SKIL: variants seen among roughly 807,000 people sequenced by gnomAD.
SKIL encodes the protein SKI like proto-oncogene.
In SKIL, 20 loss-of-function variants were observed where a neutral mutation model predicts 69.6. The ratio of observed to expected loss-of-function variants is 0.29; its 90% confidence interval spans 0.20 to 0.42. SKIL has a LOEUF of 0.42. SKIL is among the 10% of genes least tolerant of loss of function. The pLI, the probability that SKIL is intolerant of heterozygous loss-of-function variation, is 1.00. For missense variants in SKIL, 745 were observed against 783.1 expected (o/e 0.95, Z 0.58); for synonymous variants, 310 against 279.9 (o/e 1.11, Z -1.08).
intron 4 of SKIL, among the ~76,000 whole-genome samples, 193 bp from the exon 5 acceptor site, chr3:170,390,030 C>T (rs1217643137): frequency 6.6e-6 from 1 of 152,104 alleles, no homozygotes; most frequent in African/African-American, 2.4e-5. Flanking sequence ...GTATTTAGGT[C>T]TTAAATTTCT....
chr3:170,391,201 C>A lies in SKIL; in HGVS notation c.1837C>A (p.Gln613Lys). Residue 613 changes from glutamine (Q) to lysine (K), a missense_variant, in exon 6 of 7, where the codon CAA becomes AAA. Transcript: ENST00000259119. ...LEKKLEQIMK[Q>K]KCTCDSNLEK... ...GAAAAAATTGGAGCAGATAATGAAGCAAAAATGTACCTGTGACTCAAATTT... is the reference window on the plus strand; with the variant it reads ...GAAAAAATTGGAGCAGATAATGAAGAAAAAATGTACCTGTGACTCAAATTT... The A allele has an allele frequency of 6.2e-7, 1 of 1,612,336 alleles. No homozygotes were observed. The highest frequency in any genetic ancestry group is 8.5e-7 in the Non-Finnish European group (1 of 1,178,942).
intron 2 of SKIL, among the ~76,000 whole-genome samples, chr3:170,362,317 A>T (rs543439557): frequency 6.3e-4 from 96 of 152,306 alleles, no homozygotes; most frequent in Non-Finnish European, 1.1e-3. Flanking sequence ...AGCCTGGCCA[A>T]CATGGTGAAA....
intron 2 of SKIL, among the ~76,000 whole-genome samples, chr3:170,367,581 C>A (rs923117733): frequency 6.6e-6 from 1 of 151,850 alleles, no homozygotes; most frequent in African/African-American, 2.4e-5. Flanking sequence ...ATTCTCCTGC[C>A]TCAGTGTCCC....
intron 4 of SKIL, among the ~76,000 whole-genome samples, chr3:170,389,288 G>C (rs935253667): frequency 7.3e-5 from 11 of 150,530 alleles, no homozygotes; most frequent in Non-Finnish European, 1.5e-4. Flanking sequence ...GGATATAGTT[G>C]TCCGTATGTT....
At chr3:170,386,928 T>C (rs1237280558) in intron 4 of SKIL, among the ~76,000 whole-genome samples, 2 of 152,228 alleles carry the variant, frequency 1.3e-5, no homozygotes, top group Non-Finnish European at 2.9e-5. Flanking sequence ...CCATAAAATT[T>C]ACCCTTTTAA....
intron 2 of SKIL, among the ~76,000 whole-genome samples, chr3:170,379,505 A>G (rs935644598): frequency 1.3e-5 from 2 of 151,670 alleles, no homozygotes; most frequent in Admixed American, 1.3e-4. Context: ...TCCTTTTCCC[A>G]CAAAAGCAAG....
chr3:170,387,789 C>T (rs1003418656), intron 4 of SKIL, among the ~76,000 whole-genome samples: 2 of 90,878 alleles, frequency 2.2e-5, no homozygotes, highest in Non-Finnish European at 5.1e-5. Context: ...AAAAAATTAG[C>T]CGGGCGTAGT....
rs1738020010 is a variant in SKIL, at chr3:170,393,323, C to A, written c.*906C>A. The A allele has an allele frequency of 6.6e-6, 1 of 151,932 alleles. No individual in the cohort carries two copies. The highest frequency in any genetic ancestry group is 2.4e-5 in the African/African-American group (1 of 41,374). 9.4% of individuals were successfully genotyped at this position (151,932 alleles called of 1,614,324 possible). ...AAAATTTATATAATGGACTTGTTTTCCTTTAAGTTGTAAAATGTTAAACAC... is the reference window on the plus strand; with the variant it reads ...AAAATTTATATAATGGACTTGTTTTACTTTAAGTTGTAAAATGTTAAACAC... On this transcript the variant is annotated 3_prime_UTR_variant, in exon 7 of 7. Transcript: ENST00000259119.
intron 4 of SKIL, among the ~76,000 whole-genome samples, chr3:170,389,475 G>A (rs1422057988): frequency 1.3e-5 from 2 of 151,938 alleles, no homozygotes; most frequent in Non-Finnish European, 2.9e-5. Context: ...CACCAAGCCT[G>A]GCAAATTTTT....
Position 170,360,128 on chromosome 3 carries a change from AG to A in SKIL, c.-202del, listed in dbSNP as rs1447676565. ...TTAGAGGCAAAACGAACAATTTTAT[AG>A]GATTTGTAGTGAAATTATACCAGAT... is the stretch of plus-strand genomic sequence containing the variant. On this transcript the variant is annotated 5_prime_UTR_variant, in exon 2 of 7. Coordinates refer to ENST00000259119, the MANE Select transcript of SKIL (RefSeq NM_005414.5). 1 of 470,216 alleles carries A rather than the reference AG, an allele frequency of 2.1e-6. No individual in the cohort carries two copies. Among genetic ancestry groups the A allele is most frequent in the Non-Finnish European group, 3.7e-6 (1 of 267,226 alleles). The allele number at this position is 470,216 out of a possible 1,614,324, so 29.1% of individuals were successfully genotyped here. A position where few individuals can be genotyped will look rare whatever the true frequency, so the allele number is the denominator to read the frequency against.
chr3:170,392,148 G>GA, intron 6 of SKIL, 111 bp from the exon 7 acceptor site: 1 of 815,300 alleles, frequency 1.2e-6, no homozygotes, highest in Non-Finnish European at 1.9e-6. Flanking sequence ...TAGTATACAT[G>GA]AAATAGTTCG....
chr3:170,364,993 A>G (rs1011582897), intron 2 of SKIL, among the ~76,000 whole-genome samples: 5 of 152,244 alleles, frequency 3.3e-5, no homozygotes, highest in Non-Finnish European at 5.9e-5. Flanking sequence ...ATTTAAAGGA[A>G]TTTAAGAAAA....
chr3:170,365,752 C>CTTTTTT lies in SKIL; in HGVS notation c.1098+4339_1098+4344dup, dbSNP rs59222162. ...GCTCATTTTAAAAAGTCAAACTAGG[C>CTTTTTT]TTTTTTTTTTTTTTTTTTTTTGAGA... On this transcript the variant is annotated intron_variant, in intron 2 of 6. Coordinates refer to ENST00000259119, the MANE Select transcript of SKIL (RefSeq NM_005414.5). 1.8e-3 allele frequency among the ~76,000 whole-genome samples: 194 copies of CTTTTTT among 106,408 alleles called. 6 individuals are homozygous for CTTTTTT. Among genetic ancestry groups the CTTTTTT allele is most frequent in the South Asian group, 6.8e-3 (22 of 3,226 alleles). The allele number at this position is 106,408 out of a possible 152,430, so 69.8% of individuals were successfully genotyped here. A position where few individuals can be genotyped will look rare whatever the true frequency, so the allele number is the denominator to read the frequency against.
At chr3:170,373,270 G>A (rs563257299) in intron 2 of SKIL, among the ~76,000 whole-genome samples, 2 of 152,156 alleles carry the variant, frequency 1.3e-5, no homozygotes, top group South Asian at 2.1e-4. Flanking sequence ...GGGTTCAAGC[G>A]ATTCTTCTGC....
chr3:170,379,359 G>T (rs561059585), intron 2 of SKIL, among the ~76,000 whole-genome samples: 1 of 151,888 alleles, frequency 6.6e-6, no homozygotes, highest in Non-Finnish European at 1.5e-5. Flanking sequence ...GTTCCTAATC[G>T]CATTCTCCCT....
In SKIL at chr3:170,394,579, A is replaced by T. The variant is rs182300409; in HGVS notation, c.*2162A>T. ...TTGAAATATGTTATTGGAAAATTTT[A>T]AGCAGTGCTTAAACACCATTAAATT... On this transcript the variant is annotated 3_prime_UTR_variant, in exon 7 of 7. Transcript: ENST00000259119. The T allele has an allele frequency of 5.8e-4, 89 of 152,290 alleles. No individual in the cohort carries two copies. The highest frequency in any genetic ancestry group is 2.0e-3 in the African/African-American group (84 of 41,564). The allele number at this position is 152,290 out of a possible 1,614,324, so 9.4% of individuals were successfully genotyped here. A position where few individuals can be genotyped will look rare whatever the true frequency, so the allele number is the denominator to read the frequency against.
intron 2 of SKIL, 51 bp downstream of exon 2, chr3:170,361,480 G>A: frequency 7.3e-7 from 1 of 1,374,960 alleles, no homozygotes; most frequent in Non-Finnish European, 9.9e-7. Context: ...ACTTTGAAAT[G>A]AAAATTCTAT....
In SKIL at chr3:170,396,219, T is replaced by C. The variant is rs1174996644; in HGVS notation, c.*3802T>C. 1 of 152,110 alleles carries C rather than the reference T, an allele frequency of 6.6e-6. No individual in the cohort carries two copies. The highest frequency in any genetic ancestry group is 2.4e-5 in the African/African-American group (1 of 41,442). The allele number at this position is 152,110 out of a possible 1,614,324, so 9.4% of individuals were successfully genotyped here. A position where few individuals can be genotyped will look rare whatever the true frequency, so the allele number is the denominator to read the frequency against. On this transcript the variant is annotated 3_prime_UTR_variant, in exon 7 of 7. Coordinates refer to ENST00000259119, the MANE Select transcript of SKIL (RefSeq NM_005414.5). ...ATTAGTTTAATGTAAAAGGAATTTATAAGATTTTTTTCCTCAATATAGATA... is the reference window on the plus strand; with the variant it reads ...ATTAGTTTAATGTAAAAGGAATTTACAAGATTTTTTTCCTCAATATAGATA...
intron 2 of SKIL, among the ~76,000 whole-genome samples, chr3:170,378,668 C>CG (rs1737166826): frequency 2.0e-5 from 3 of 150,628 alleles, no homozygotes; most frequent in Admixed American, 6.7e-5. Context: ...TCTCCTGCCT[C>CG]GGCCACCCAA....
Sources: allele counts gnomAD v4.1 joint callset (sites outside exome capture counted in the v4.1 genomes callset), GRCh38; gene constraint gnomAD v4.1.1; transcripts MANE v1.5; gene names NCBI Gene and HGNC (gene_info 2026-07-23, HGNC 2026-07-21).